IDH3A: variants seen among roughly 807,000 people sequenced by gnomAD.
IDH3A encodes the protein isocitrate dehydrogenase (NAD(+)) 3 catalytic subunit alpha.
A neutral mutation model predicts 43.3 loss-of-function variants in IDH3A; 23 were observed. The observed-to-expected ratio is 0.53, with a 90% CI of 0.38 to 0.75. The LOEUF is 0.75. Ranked by LOEUF, IDH3A falls within the 30% of genes least tolerant of loss-of-function variation. The probability of loss-of-function intolerance (pLI) is 0.00; values close to 1 mark genes in which losing one functional copy is unlikely to be tolerated. For synonymous variants in IDH3A, 154 were observed against 163.5 expected (o/e 0.94, Z 0.44); for missense variants, 329 against 474.4 (o/e 0.69, Z 2.85).
At chr15:78,164,321 C>T (rs2074715694) in intron 8 of IDH3A, among the ~76,000 whole-genome samples, 1 of 149,950 alleles carries the variant, frequency 6.7e-6, no homozygotes, top group African/African-American at 2.5e-5. Flanking sequence ...CCGACACACA[C>T]AGACATAAGA....
In IDH3A at chr15:78,171,456, C is replaced by T. The variant is rs201874784; in HGVS notation, c.*2451C>T. 15 of 1,613,808 alleles carry T rather than the reference C, an allele frequency of 9.3e-6. No individual in the cohort carries two copies. The East Asian group carries it at 3.3e-4, about 36-fold the overall frequency. On this transcript the variant is annotated 3_prime_UTR_variant, in exon 11 of 11. Coordinates refer to ENST00000299518, the MANE Select transcript of IDH3A (RefSeq NM_005530.3). Reference sequence around the variant, plus strand: ...GCATAGGCCCTGATTACATTTTTTGCTCTTGGTAAAAGGAGTCAATGATAC... The same window carrying T: ...GCATAGGCCCTGATTACATTTTTTGTTCTTGGTAAAAGGAGTCAATGATAC...
intron 10 of IDH3A, 116 bp downstream of exon 10, chr15:78,166,418 G>C: frequency 9.7e-7 from 1 of 1,034,556 alleles, no homozygotes; most frequent in African/African-American, 1.6e-5. Flanking sequence ...AGCATTTGAT[G>C]TTGAACAAGG....
chr15:78,158,180 C>T (rs2074642612), intron 3 of IDH3A, among the ~76,000 whole-genome samples: 1 of 151,932 alleles, frequency 6.6e-6, no homozygotes, highest in Non-Finnish European at 1.5e-5. Flanking sequence ...GAAATAATCT[C>T]TTTAAAATAA....
At chr15:78,156,842 T>C (rs2074627177) in intron 2 of IDH3A, 1 of 1,227,858 alleles carries the variant, frequency 8.1e-7, no homozygotes, top group African/African-American at 1.5e-5. Context: ...AAAACAATAA[T>C]TGTCATTCTA....
intron 2 of IDH3A, chr15:78,156,998 A>T: frequency 7.5e-7 from 1 of 1,335,816 alleles, no homozygotes; most frequent in South Asian, 1.2e-5. Flanking sequence ...CTCTCTTGAT[A>T]AAAAGTCTGA....
Position 78,167,584 on chromosome 15 carries a change from T to C in IDH3A, c.1017+1282T>C, listed in dbSNP as rs60274620. 59 of 152,358 alleles carry C rather than the reference T, an allele frequency of 3.9e-4. No individual in the cohort carries two copies. In the East Asian group the frequency reaches 0.011, roughly 29 times the overall value. The allele number at this position is 152,358 out of a possible 1,614,324, so 9.4% of individuals were successfully genotyped here. ...AATGTTAAGTACATTCACATTGTAA[T>C]GTAACCATCACCATCAGTCATCTCC... On this transcript the variant is annotated intron_variant, in intron 10 of 10. Coordinates refer to ENST00000299518, the MANE Select transcript of IDH3A (RefSeq NM_005530.3).
intron 1 of IDH3A, among the ~76,000 whole-genome samples, chr15:78,150,207 T>C (rs2074562434): frequency 6.6e-6 from 1 of 152,198 alleles, no homozygotes; most frequent in Non-Finnish European, 1.5e-5. Flanking sequence ...AGATCATCTA[T>C]GCAGTTCCGT....
chr15:78,167,535 C>T (rs2074759758), intron 10 of IDH3A: 1 of 152,152 alleles, frequency 6.6e-6, no homozygotes, highest in South Asian at 2.1e-4. Context: ...GCCATTTTAG[C>T]CGTATTTAGG....
Position 78,161,311 on chromosome 15 carries a change from A to G in IDH3A, c.290-270A>G, listed in dbSNP as rs952602274. On this transcript the variant is annotated intron_variant, in intron 4 of 10. Transcript: ENST00000299518. The surrounding 1 kb of genome is among the most constrained non-coding windows in gnomAD (Gnocchi z 4.8). ...TTCGTCATTTTTAAATGACAGTAAC[A>G]GAGTTGCTGTTGTACGGGGTGATGA... 2.0e-5 allele frequency among the ~76,000 whole-genome samples: 3 copies of G among 152,184 alleles called. No homozygotes were observed. Among genetic ancestry groups the G allele is most frequent in the African/African-American group, 7.2e-5 (3 of 41,426 alleles).
At chr15:78,167,270 G>A (rs189441270) in intron 10 of IDH3A, among the ~76,000 whole-genome samples, 5 of 152,250 alleles carry the variant, frequency 3.3e-5, no homozygotes, top group African/African-American at 1.2e-4. Context: ...CCATTTTATA[G>A]ATGAGGAAAC....
Position 78,166,151 on chromosome 15 carries a change from T to G in IDH3A, c.866T>G (p.Val289Gly). 6.2e-7 allele frequency: 1 copy of G among 1,613,678 alleles called. No homozygotes were observed. Among genetic ancestry groups the G allele is most frequent in the Non-Finnish European group, 8.5e-7 (1 of 1,179,620 alleles). The change falls in exon 10 of 11, where the codon GTT becomes GGT. Residue 289 changes from valine (V) to glycine (G), a missense_variant and splice_region_variant. Val to Gly is a moderately radical substitution (Grantham distance 109, BLOSUM62 -3). This residue lies in a region of IDH3A where 91 missense variants were observed against 111.6 expected (regional missense o/e 0.82). Transcript: ENST00000299518. The part of the protein sequence containing the change: ...GANGVAIFES[V>G]HGTAPDIAGK... ...GATGCTACTTTTCCCGATGTGTAGG[T>G]TCATGGGACGGCTCCAGACATTGCA...
chr15:78,153,693 T>C (rs1273848747), intron 1 of IDH3A, among the ~76,000 whole-genome samples: 1 of 152,218 alleles, frequency 6.6e-6, no homozygotes, highest in African/African-American at 2.4e-5. Flanking sequence ...TCTTTGCTCA[T>C]GTATCTAGCA....
Position 78,162,266 on chromosome 15 carries a change from C to T in IDH3A, c.510C>T (p.Leu170=), listed in dbSNP as rs773132740. The T allele has an allele frequency of 1.2e-6, 2 of 1,614,216 alleles. No individual in the cohort carries two copies. Among genetic ancestry groups the T allele is most frequent in the Admixed American group, 1.7e-5 (1 of 60,030 alleles). ...ATGGAGTCGTGCAGAGTATCAAGCT[C>T]ATCACCGAGGGGGCGAGCAAGCGCA... ...IVDGVVQSIK[L]ITEGASKRIA... Residue 170 remains leucine, a synonymous_variant, in exon 6 of 11, where the codon CTC becomes CTT. Transcript: ENST00000299518.
chr15:78,149,472 C>G, intron 1 of IDH3A, 42 bp downstream of exon 1: 1 of 1,498,202 alleles, frequency 6.7e-7, no homozygotes, highest in Non-Finnish European at 8.9e-7. Flanking sequence ...AGGCAGGCCG[C>G]GAGGGCTGGC....
In IDH3A at chr15:78,157,542, G is replaced by A. The variant is rs1030319705; in HGVS notation, c.91-6G>A. 3 of 1,590,658 alleles carry A rather than the reference G, an allele frequency of 1.9e-6. No individual in the cohort carries two copies. Among genetic ancestry groups the A allele is most frequent in the Admixed American group, 1.8e-5 (1 of 56,354 alleles). On this transcript the variant is annotated splice_polypyrimidine_tract_variant and splice_region_variant and intron_variant, in intron 2 of 10. Coordinates refer to ENST00000299518, the MANE Select transcript of IDH3A (RefSeq NM_005530.3). Reference sequence around the variant, plus strand: ...ACTGTCTTCTTTGATGATTTCTTATGTTCAGGTTCAGACAGTAACTTTAAT... The same window carrying A: ...ACTGTCTTCTTTGATGATTTCTTATATTCAGGTTCAGACAGTAACTTTAAT...
intron 10 of IDH3A, among the ~76,000 whole-genome samples, chr15:78,166,895 G>A (rs900630020): frequency 1.3e-5 from 2 of 152,186 alleles, no homozygotes; most frequent in Middle Eastern, 3.4e-3. Flanking sequence ...GCCTCCCAAA[G>A]TGCTGGGATT....
Position 78,168,910 on chromosome 15 carries a change from T to G in IDH3A, c.1018-12T>G. 5.7e-6 allele frequency: 9 copies of G among 1,571,842 alleles called. No homozygotes were observed. Among genetic ancestry groups the G allele is most frequent in the Non-Finnish European group, 7.9e-6 (9 of 1,146,466 alleles). On this transcript the variant is annotated splice_polypyrimidine_tract_variant and intron_variant, in intron 10 of 10. Coordinates refer to ENST00000299518, the MANE Select transcript of IDH3A (RefSeq NM_005530.3). ...GGATACATCTTTTATTTTTGCTTTT[T>G]CCTTTTCTCAGAGCTTGACAAAAGA... is the stretch of plus-strand genomic sequence containing the variant.
At position 78,149,436 on chromosome 15, in the gene IDH3A, C is replaced by T; in HGVS notation, c.27+6C>T. On this transcript the variant is annotated splice_donor_region_variant and intron_variant, in intron 1 of 10. Transcript: ENST00000299518. Reference sequence around the variant, plus strand: ...GGCCCGCGTGGATCTCTAAGGTGAGCGCTGGCAGGCCGGCGTGTGGCAGGC... The same window carrying T: ...GGCCCGCGTGGATCTCTAAGGTGAGTGCTGGCAGGCCGGCGTGTGGCAGGC... 1 of 1,539,846 alleles carries T rather than the reference C, an allele frequency of 6.5e-7. No homozygotes were observed. The highest frequency in any genetic ancestry group is 8.7e-7 in the Non-Finnish European group (1 of 1,150,190).
At chr15:78,162,971 G>A (rs1017805487) in intron 6 of IDH3A, among the ~76,000 whole-genome samples, 4 of 152,134 alleles carry the variant, frequency 2.6e-5, no homozygotes, top group Admixed American at 6.5e-5. Context: ...TTGGAGCCTC[G>A]GGGTCCCCAG....
Sources: gnomAD v4.1 joint callset for allele counts (sites outside exome capture counted in the v4.1 genomes callset) on GRCh38, gnomAD v4.1.1 for gene constraint, gnomAD v4.1.1 regional missense constraint, Gnocchi (gnomAD v3.1) non-coding constraint, MANE v1.5 for transcripts, NCBI Gene and HGNC (gene_info 2026-07-23, HGNC 2026-07-21) for gene names.